The following AFF1 variants were observed in gnomAD, a reference collection of about 807,000 sequenced individuals.
AFF1 encodes ALF transcription elongation factor 1, also known as AF4/FMR2 family member 1.
In AFF1, 48 loss-of-function variants were observed where a neutral mutation model predicts 121.7. The observed-to-expected ratio is 0.39, with a 90% CI of 0.31 to 0.50. AFF1 has a LOEUF of 0.50. Among genes scored for constraint, AFF1 ranks in the 20% least tolerant of loss-of-function variants. The pLI is 0.76. For missense variants in AFF1, 1,523 were observed against 1,511.7 expected (o/e 1.01, Z -0.12); for synonymous variants, 613 against 563.0 (o/e 1.09, Z -1.26).
In AFF1 at chr4:87,050,171, G is replaced by A. The variant is rs531141602; in HGVS notation, c.1059+2577G>A. On this transcript the variant is annotated intron_variant, in intron 4 of 20. Coordinates refer to ENST00000395146, the MANE Select transcript of AFF1 (RefSeq NM_001166693.3). ...AATATAGGTGAGAATATTACCAATA[G>A]CCTGGGTTATTTTTGGGTTTGGGGC... Among the ~76,000 whole-genome samples the A allele has an allele frequency of 4.6e-5, 7 of 152,230 alleles. No individual in the cohort carries two copies. In the South Asian group the frequency reaches 8.3e-4, roughly 18 times the overall value.
intron 11 of AFF1, among the ~76,000 whole-genome samples, chr4:87,109,803 T>G (rs2149754997): frequency 6.6e-6 from 1 of 152,374 alleles, no homozygotes; most frequent in South Asian, 2.1e-4. Context: ...GTGAAACCTC[T>G]GTAAAATAAA....
intron 8 of AFF1, among the ~76,000 whole-genome samples, chr4:87,096,860 C>A (rs1377785639): frequency 6.6e-6 from 1 of 152,162 alleles, no homozygotes; most frequent in Non-Finnish European, 1.5e-5. Context: ...CCTCCTGCCG[C>A]AGCTTCCTGA....
In AFF1 at chr4:86,961,725, G is replaced by A. The variant is rs116423508; in HGVS notation, c.38+13154G>A. ...CTAAATTAGAATCTCCCCAGTTTGC[G>A]TTTCAGAGCCCTTTTCATCGCCGTG... On this transcript the variant is annotated intron_variant, in intron 2 of 20. Transcript: ENST00000395146. 5.9e-3 allele frequency among the ~76,000 whole-genome samples: 895 copies of A among 152,122 alleles called. 7 individuals carry two copies. The highest frequency in any genetic ancestry group is 0.019 in the South Asian group (94 of 4,824).
rs557581558 is a variant in AFF1, at chr4:87,050,738, C to G, written c.1059+3144C>G. On this transcript the variant is annotated intron_variant, in intron 4 of 20. Coordinates refer to ENST00000395146, the MANE Select transcript of AFF1 (RefSeq NM_001166693.3). ...TAGTTTTACGTCAACTGGAAGATGT[C>G]TAGCAGTGTGAAGTGACCAATCTGA... Among the ~76,000 whole-genome samples, 418 of 152,316 alleles carry G rather than the reference C, an allele frequency of 2.7e-3. 3 individuals are homozygous for G. Among genetic ancestry groups the G allele is most frequent in the African/African-American group, 9.7e-3 (403 of 41,560 alleles).
chr4:86,974,753 C>T (rs1003360804), intron 2 of AFF1, among the ~76,000 whole-genome samples: 1 of 152,180 alleles, frequency 6.6e-6, no homozygotes, highest in Non-Finnish European at 1.5e-5. Flanking sequence ...AAGAGCTGTA[C>T]ACGGTGTTTT....
At chr4:87,029,808 C>G (rs1679016734) in intron 2 of AFF1, among the ~76,000 whole-genome samples, 1 of 152,174 alleles carries the variant, frequency 6.6e-6, no homozygotes, top group Admixed American at 6.5e-5. Context: ...CTTCCATCAA[C>G]ACACACTTCA....
intron 2 of AFF1, among the ~76,000 whole-genome samples, chr4:86,992,962 T>G (rs1329695898): frequency 6.6e-6 from 1 of 152,200 alleles, no homozygotes; most frequent in Non-Finnish European, 1.5e-5. Context: ...AGACAAAGAT[T>G]TTTTAAAAAA....
intron 12 of AFF1, among the ~76,000 whole-genome samples, chr4:87,117,592 A>G (rs1248127971): frequency 2.6e-5 from 4 of 152,204 alleles, no homozygotes; most frequent in African/African-American, 9.7e-5. Context: ...ATACAAAGCT[A>G]GTTATTTGGA....
At chr4:87,003,143 C>G (rs1725851682) in intron 2 of AFF1, among the ~76,000 whole-genome samples, 1 of 152,106 alleles carries the variant, frequency 6.6e-6, no homozygotes, top group African/African-American at 2.4e-5. Flanking sequence ...TTTCAAATTA[C>G]TCCCATGAAT....
At chr4:87,045,012 A>G (rs555188128) in intron 2 of AFF1, among the ~76,000 whole-genome samples, 2 of 152,298 alleles carry the variant, frequency 1.3e-5, no homozygotes, top group South Asian at 4.1e-4. Flanking sequence ...AGGGCCTTAA[A>G]TCAGGTTTCT....
chr4:87,105,680 CAAGT>C lies in AFF1; in HGVS notation c.1338+3_1338+6del. 6.2e-7 allele frequency: 1 copy of C among 1,614,146 alleles called. No homozygotes were observed. Among genetic ancestry groups the C allele is most frequent in the Non-Finnish European group, 8.5e-7 (1 of 1,180,024 alleles). ...TGACAGTGAGGACAGTGACAGTGAA[CAAGT>C]AAGTGTTGCACAGCCTGTAATACCA... On this transcript the variant is annotated splice_donor_variant and coding_sequence_variant, in exon 9 of 21. Transcript: ENST00000395146. LOFTEE classifies it high-confidence loss of function.
At chr4:86,985,143 C>T (rs866735662) in intron 2 of AFF1, among the ~76,000 whole-genome samples, 58 of 51,830 alleles carry the variant, frequency 1.1e-3, no homozygotes, top group Admixed American at 2.4e-3. Context: ...TATAATTATG[C>T]ATAATATATA....
intron 12 of AFF1, among the ~76,000 whole-genome samples, chr4:87,119,876 G>C (rs1380927766): frequency 6.6e-6 from 1 of 152,204 alleles, no homozygotes; most frequent in Non-Finnish European, 1.5e-5. Context: ...AAGTTATGAT[G>C]TGTAGTAGGA....
intron 1 of AFF1, among the ~76,000 whole-genome samples, chr4:86,947,309 A>C (rs894944816): frequency 1.3e-5 from 2 of 152,092 alleles, no homozygotes; most frequent in Non-Finnish European, 2.9e-5. Context: ...AAGAGTGGCA[A>C]ATTATGTCTG....
chr4:87,005,777 T>C (rs1478364336), intron 2 of AFF1, among the ~76,000 whole-genome samples: 1 of 152,142 alleles, frequency 6.6e-6, no homozygotes, highest in African/African-American at 2.4e-5. Flanking sequence ...GACTGCTTGC[T>C]TCATTAACGA....
intron 2 of AFF1, among the ~76,000 whole-genome samples, chr4:86,958,125 C>T (rs1721889749): frequency 8.2e-6 from 1 of 121,406 alleles, no homozygotes; most frequent in Non-Finnish European, 1.6e-5. Flanking sequence ...CGGAGTTTCA[C>T]TCTTGTTGCC....
intron 2 of AFF1, among the ~76,000 whole-genome samples, chr4:86,974,871 G>A (rs1723190761): frequency 6.6e-6 from 1 of 152,138 alleles, no homozygotes; most frequent in Admixed American, 6.6e-5. Flanking sequence ...CATCGTTTCT[G>A]GTTTCAAATT....
chr4:86,957,477 A>G (rs13102958), intron 2 of AFF1, among the ~76,000 whole-genome samples: 49,483 of 152,128 alleles, frequency 0.33, 9,573 homozygotes, highest in South Asian at 0.51. Flanking sequence ...AGAGACCTTC[A>G]TAGCTGAGTA....
chr4:87,090,919 G>A (rs913037206), intron 6 of AFF1, among the ~76,000 whole-genome samples: 6 of 151,158 alleles, frequency 4.0e-5, no homozygotes, highest in African/African-American at 1.5e-4. Flanking sequence ...GGAGGCTGAG[G>A]TGGGAGAATC....
Sources: gnomAD v4.1 joint callset for allele counts (sites outside exome capture counted in the v4.1 genomes callset) on GRCh38, gnomAD v4.1.1 for gene constraint, MANE v1.5 for transcripts, NCBI Gene and HGNC (gene_info 2026-07-23, HGNC 2026-07-21) for gene names.